NCAM1: variants seen among roughly 807,000 people sequenced by gnomAD.
The protein encoded by NCAM1 is antigen recognized by monoclonal antibody 5.1H11.
NCAM1 carries 14 observed loss-of-function variants against 109.8 expected under a neutral mutation model. The ratio of observed to expected loss-of-function variants is 0.13; its 90% CI spans 0.08 to 0.20. The LOEUF is 0.20. NCAM1 is among the 10% of genes least tolerant of loss of function. NCAM1 has a pLI of 1.00. For synonymous variants in NCAM1, 418 were observed against 442.9 expected (o/e 0.94, Z 0.70); for missense variants, 774 against 1,109.9 (o/e 0.70, Z 4.30).
At chr11:112,988,751 A>ATTTTTTTT (rs140491695) in intron 1 of NCAM1, among the ~76,000 whole-genome samples, 1 of 137,902 alleles carries the variant, frequency 7.3e-6, no homozygotes, top group Admixed American at 7.3e-5. Flanking sequence ...TTTCAACAGT[A>ATTTTTTTT]TTTTTTTTTT....
intron 9 of NCAM1, among the ~76,000 whole-genome samples, chr11:113,226,894 T>C (rs536856375): frequency 1.3e-5 from 2 of 152,226 alleles, no homozygotes; most frequent in South Asian, 4.2e-4. Context: ...AGAACAAAGA[T>C]ACAACATACC....
intron 9 of NCAM1, among the ~76,000 whole-genome samples, chr11:113,225,591 G>T (rs1555116065): frequency 6.6e-6 from 1 of 152,118 alleles, no homozygotes; most frequent in Non-Finnish European, 1.5e-5. Context: ...AGTCCACAAA[G>T]ATACTCCTTG....
intron 1 of NCAM1, among the ~76,000 whole-genome samples, chr11:113,193,681 CAG>C (rs1943764285): frequency 6.6e-6 from 1 of 151,432 alleles, no homozygotes; most frequent in Non-Finnish European, 1.5e-5. Flanking sequence ...AAGAGAGAAA[CAG>C]AGAAAGAGAG....
intron 8 of NCAM1, among the ~76,000 whole-genome samples, chr11:113,215,458 A>G (rs1944499861): frequency 6.6e-6 from 1 of 152,112 alleles, no homozygotes; most frequent in Admixed American, 6.5e-5. Flanking sequence ...CAGAATGTCA[A>G]AAATGATAGA....
At chr11:113,047,486 G>A (rs926015339) in intron 1 of NCAM1, among the ~76,000 whole-genome samples, 1 of 152,166 alleles carries the variant, frequency 6.6e-6, no homozygotes, top group Non-Finnish European at 1.5e-5. Context: ...CAAAAATTAA[G>A]TTGTACGTAT....
At chr11:113,247,687 AT>A (rs1473770191) in intron 15 of NCAM1, among the ~76,000 whole-genome samples, 3 of 152,214 alleles carry the variant, frequency 2.0e-5, no homozygotes, top group African/African-American at 7.2e-5. Context: ...ATTGCATGAA[AT>A]AAAGTGGGAA....
intron 1 of NCAM1, among the ~76,000 whole-genome samples, chr11:113,039,589 C>G (rs1293785135): frequency 1.3e-5 from 2 of 152,132 alleles, no homozygotes; most frequent in Non-Finnish European, 2.9e-5. Flanking sequence ...GGAATATAGC[C>G]TAGACACAGG....
chr11:113,229,583 G>A (rs1176494920), intron 9 of NCAM1, among the ~76,000 whole-genome samples: 2 of 152,254 alleles, frequency 1.3e-5, no homozygotes, highest in East Asian at 1.9e-4. Context: ...CCATTACTGG[G>A]TATATACCCA....
chr11:113,265,005 G>C (rs1555124159), intron 17 of NCAM1: 1 of 985,304 alleles, frequency 1.0e-6, no homozygotes. Flanking sequence ...CCACTCCCCT[G>C]TGCCCTGTAG....
intron 1 of NCAM1, among the ~76,000 whole-genome samples, chr11:113,148,568 C>T (rs1555101826): frequency 6.6e-6 from 1 of 152,032 alleles, no homozygotes; most frequent in Non-Finnish European, 1.5e-5. Context: ...AGGAAGTGGG[C>T]ATTCATCCAA....
At chr11:113,225,927 A>G (rs543542323) in intron 9 of NCAM1, among the ~76,000 whole-genome samples, 1 of 152,232 alleles carries the variant, frequency 6.6e-6, no homozygotes, top group Non-Finnish European at 1.5e-5. Flanking sequence ...GAGCTCCTGA[A>G]GGAAGCACTA....
chr11:113,009,312 G>GTTTTTTTTTTGTTT (rs1951973321), intron 1 of NCAM1, among the ~76,000 whole-genome samples: 2 of 79,652 alleles, frequency 2.5e-5, no homozygotes, highest in Non-Finnish European at 4.7e-5. Flanking sequence ...GTTTTTTCGG[G>GTTTTTTTTTTGTTT]TTTTTTTTTT....
At chr11:113,065,834 C>G (rs1027348659) in intron 1 of NCAM1, among the ~76,000 whole-genome samples, 22 of 152,136 alleles carry the variant, frequency 1.4e-4, no homozygotes, top group South Asian at 2.1e-4. Context: ...TAATCTGCAT[C>G]AATATTGGTT....
rs193240574 is a variant in NCAM1, at chr11:113,048,047, T to G, written c.52+86383T>G. Among the ~76,000 whole-genome samples, 315 of 152,182 alleles carry G rather than the reference T, an allele frequency of 2.1e-3. 2 individuals carry two copies. Among genetic ancestry groups the G allele is most frequent in the Middle Eastern group, 3.4e-3 (1 of 294 alleles). On this transcript the variant is annotated intron_variant, in intron 1 of 19. Coordinates refer to ENST00000316851, the MANE Select transcript of NCAM1 (RefSeq NM_181351.5). ...CAGTAACACCTCTGCTTGCAATGAA[T>G]CTCTCTGGGCTTCAGGTTCCATGTC...
intron 1 of NCAM1, among the ~76,000 whole-genome samples, chr11:113,132,468 C>T (rs570391934): frequency 8.3e-6 from 1 of 120,156 alleles, no homozygotes; most frequent in South Asian, 3.1e-4. Flanking sequence ...GGGGGCTTTA[C>T]CTTCTCTCCT....
intron 17 of NCAM1, 126 bp downstream of exon 17, chr11:113,260,449 A>T (rs1179483653): frequency 3.7e-6 from 4 of 1,084,340 alleles, no homozygotes; most frequent in Non-Finnish European, 5.2e-6. Context: ...TTGGTTGCCC[A>T]TGCAAAGCTT....
At chr11:113,188,200 G>A (rs909987341) in intron 1 of NCAM1, among the ~76,000 whole-genome samples, 1 of 152,102 alleles carries the variant, frequency 6.6e-6, no homozygotes, top group Non-Finnish European at 1.5e-5. Context: ...GACAAAAGAC[G>A]GGCATGTCGG....
chr11:113,047,325 A>G (rs1953305476), intron 1 of NCAM1, among the ~76,000 whole-genome samples: 1 of 152,248 alleles, frequency 6.6e-6, no homozygotes, highest in Non-Finnish European at 1.5e-5. Context: ...TAAAATAAAA[A>G]TAAAATAAAA....
chr11:113,113,381 G>A (rs1179226218), intron 1 of NCAM1, among the ~76,000 whole-genome samples: 1 of 152,136 alleles, frequency 6.6e-6, no homozygotes, highest in Non-Finnish European at 1.5e-5. Flanking sequence ...AATAAGCAAT[G>A]TCCTGCCCTA....
Sources: allele counts gnomAD v4.1 joint callset (sites outside exome capture counted in the v4.1 genomes callset), GRCh38; gene constraint gnomAD v4.1.1; transcripts MANE v1.5; gene names NCBI Gene and HGNC (gene_info 2026-07-23, HGNC 2026-07-21).